Variants in DST observed in about 807,000 individuals in gnomAD.
DST encodes dystonin, also known as bullous pemphigoid antigen.
Under a neutral mutation model 875.2 loss-of-function variants are expected in DST, and 253 were observed. The observed-to-expected ratio is 0.29, with a 90% CI of 0.26 to 0.32. The LOEUF is 0.32. Ranked by LOEUF, DST falls within the 10% of genes least tolerant of loss-of-function variation. DST has a pLI of 1.00. For synonymous variants in DST, 3,124 were observed against 3,197.1 expected (o/e 0.98, Z 0.77); for missense variants, 8,287 against 9,111.6 (o/e 0.91, Z 3.68).
intron 3 of DST, 136 bp from the exon 4 acceptor site, chr6:56,851,740 G>A: frequency 1.3e-6 from 2 of 1,551,890 alleles, no homozygotes; most frequent in Non-Finnish European, 1.7e-6. Context: ...ACCATCCTCG[G>A]AGCTGAGGGA....
rs192539811 is a variant in DST at position 56,573,728 on chromosome 6, T to G, written c.13187A>C (p.Gln4396Pro). 77 of 1,613,724 alleles carry G rather than the reference T, an allele frequency of 4.8e-5. No individual in the cohort carries two copies. In the Admixed American group the frequency reaches 7.2e-4, roughly 15 times the overall value. The change falls in exon 51 of 104, where the codon CAA becomes CCA. Residue 4396 changes from glutamine to proline, a missense_variant. By Grantham distance (76) the Gln-to-Pro change is moderately conservative. Coordinates refer to ENST00000680361, the MANE Select transcript of DST (RefSeq NM_001374736.1). ...AAGAGCAGTAGAGTTTAAAGGCACT[T>G]GACCTTGTTCTTTCAGAGAACTTTC... ...NVESSLKEQG[Q>P]VPLNSTALQD...
intron 9 of DST, chr6:56,692,731 A>G (rs1304184314): frequency 7.8e-7 from 1 of 1,289,590 alleles, no homozygotes; most frequent in Admixed American, 2.3e-5. Context: ...CCTTTCATCC[A>G]GTTCACTAAC....
chr6:56,891,532 C>T (rs1319216174), intron 3 of DST, among the ~76,000 whole-genome samples: 1 of 148,682 alleles, frequency 6.7e-6, no homozygotes, highest in African/African-American at 2.5e-5. Context: ...AGCCACTGCA[C>T]TCCAGCCTGG....
chr6:56,911,091 T>C (rs1019707579), intron 2 of DST, among the ~76,000 whole-genome samples: 8 of 152,162 alleles, frequency 5.3e-5, no homozygotes, highest in African/African-American at 1.9e-4. Flanking sequence ...CCAGTTATGG[T>C]TGCTGGTTCT....
chr6:56,701,406 T>C (rs1438966145), intron 8 of DST, among the ~76,000 whole-genome samples: 1 of 152,130 alleles, frequency 6.6e-6, no homozygotes, highest in Non-Finnish European at 1.5e-5. Flanking sequence ...TCCAATATTA[T>C]CTACTTATAA....
intron 49 of DST, among the ~76,000 whole-genome samples, chr6:56,583,710 T>A (rs1323498142): frequency 6.6e-6 from 1 of 152,234 alleles, no homozygotes; most frequent in Non-Finnish European, 1.5e-5. Flanking sequence ...GGTTTTCTTC[T>A]AGGGTTTTTA....
At chr6:56,783,042 G>T (rs1411871169) in intron 4 of DST, among the ~76,000 whole-genome samples, 2 of 152,148 alleles carry the variant, frequency 1.3e-5, no homozygotes, top group Non-Finnish European at 2.9e-5. Flanking sequence ...TTTTGAGTGA[G>T]TTTCTTAATC....
rs377700917 is a variant in DST, at chr6:56,514,532, TTC to T, written c.18576+916_18576+917del. Among the ~76,000 whole-genome samples the T allele has an allele frequency of 8.9e-4, 128 of 143,384 alleles. 2 individuals carry two copies. Among genetic ancestry groups the T allele is most frequent in the African/African-American group, 3.1e-3 (121 of 38,728 alleles). 94.1% of individuals were successfully genotyped at this position (143,384 alleles called of 152,430 possible). A position where few individuals can be genotyped will look rare whatever the true frequency, so the allele number is the denominator to read the frequency against. ...CCCTGAATTGAACTTTTCCCTCCCTTTCTCTCTCTCCCTCTCTCCCTCCTTCT... is the reference window on the plus strand; with the variant it reads ...CCCTGAATTGAACTTTTCCCTCCCTTTCTCTCTCCCTCTCTCCCTCCTTCT... On this transcript the variant is annotated intron_variant, in intron 72 of 103. Transcript: ENST00000680361.
chr6:56,687,363 T>A (rs2099194652), intron 9 of DST, among the ~76,000 whole-genome samples: 1 of 152,188 alleles, frequency 6.6e-6, no homozygotes, highest in South Asian at 2.1e-4. Flanking sequence ...GAGTAAAACC[T>A]TAACATCGGT....
At chr6:56,796,102 C>T (rs145741702) in intron 4 of DST, among the ~76,000 whole-genome samples, 64 of 152,200 alleles carry the variant, frequency 4.2e-4, no homozygotes, top group African/African-American at 1.4e-3. Flanking sequence ...CCATACAGAA[C>T]GAAACAGAAC....
At position 56,818,150 on chromosome 6, in the gene DST, C is replaced by T. The variant is rs556621886; in HGVS notation, c.625+33247G>A. Among the ~76,000 whole-genome samples the T allele has an allele frequency of 3.9e-5, 6 of 152,242 alleles. No homozygotes were observed. The South Asian group carries it at 8.3e-4, about 21-fold the overall frequency. On this transcript the variant is annotated intron_variant, in intron 4 of 103. Transcript: ENST00000680361. The stretch of plus-strand genomic sequence containing the variant: ...AAGGTCCATTTTGAACTAATGACCT[C>T]CAGAAGTGTAAGGTAATAAATTTGT...
At chr6:56,909,406 T>C (rs1316259092) in intron 2 of DST, among the ~76,000 whole-genome samples, 1 of 152,212 alleles carries the variant, frequency 6.6e-6, no homozygotes, top group East Asian at 1.9e-4. Flanking sequence ...CACTTCTCCA[T>C]GCTCTTCTCC....
intron 38 of DST, 51 bp from the exon 39 acceptor site, chr6:56,610,613 T>A (rs1427114911): frequency 6.3e-5 from 92 of 1,468,264 alleles, no homozygotes; most frequent in Non-Finnish European, 8.4e-5. Flanking sequence ...CCTCAAGAGA[T>A]AAAGATGTAT....
At chr6:56,593,090 G>A (rs576351450) in intron 48 of DST, among the ~76,000 whole-genome samples, 3 of 152,200 alleles carry the variant, frequency 2.0e-5, no homozygotes, top group South Asian at 4.2e-4. Context: ...ATGCACAACC[G>A]CCATCTTGTG....
chr6:56,903,041 C>T (rs1455715887), intron 2 of DST, among the ~76,000 whole-genome samples: 1 of 151,604 alleles, frequency 6.6e-6, no homozygotes, highest in Non-Finnish European at 1.5e-5. Context: ...TCTCTAGGAA[C>T]CAGAGTTTAG....
At chr6:56,678,098 C>T (rs2099139479) in intron 9 of DST, among the ~76,000 whole-genome samples, 4 of 152,300 alleles carry the variant, frequency 2.6e-5, no homozygotes, top group Non-Finnish European at 5.9e-5. Context: ...CATTGTAGGC[C>T]AGTCTTGCTC....
At chr6:56,570,140 G>T (rs1214577138) in intron 53 of DST, 128 bp from the exon 54 acceptor site, 13 of 645,790 alleles carry the variant, frequency 2.0e-5, no homozygotes, top group Non-Finnish European at 3.2e-5. Flanking sequence ...AGGAGGAAAG[G>T]TTTCATAGGT....
intron 4 of DST, among the ~76,000 whole-genome samples, chr6:56,806,260 G>C (rs971900516): frequency 5.3e-5 from 8 of 152,162 alleles, no homozygotes; most frequent in African/African-American, 1.9e-4. Context: ...TTCTAGTTAA[G>C]TTATTGCCCA....
At position 56,603,375 on chromosome 6, in the gene DST, C is replaced by T. The variant is rs754433227; in HGVS notation, c.10987G>A (p.Asp3663Asn). 1 of 1,610,974 alleles carries T rather than the reference C, an allele frequency of 6.2e-7. No individual in the cohort carries two copies. The highest frequency in any genetic ancestry group is 8.5e-7 in the Non-Finnish European group (1 of 1,179,092). The change falls in exon 42 of 104, where the codon GAT (aspartate) becomes AAT (asparagine). Residue 3663 changes from aspartate to asparagine, a missense_variant. Transcript: ENST00000680361. ...LAPIAVILRK[D>N]MKLAEEFLKS... ...AAAAACTCTTCTGCCAACTTCATAT[C>T]TTTTCTTAAAATAACAGCAATTGGA... is the stretch of plus-strand genomic sequence containing the variant.
Sources: allele counts gnomAD v4.1 joint callset (sites outside exome capture counted in the v4.1 genomes callset), GRCh38; gene constraint gnomAD v4.1.1; transcripts MANE v1.5; gene names NCBI Gene and HGNC (gene_info 2026-07-23, HGNC 2026-07-21).